The following EYS variants were observed in gnomAD, a reference collection of about 807,000 sequenced individuals.
EYS encodes the protein protein eyes shut homolog.
Under a neutral mutation model 282.1 loss-of-function variants are expected in EYS, and 250 were observed. The ratio of observed to expected loss-of-function variants is 0.89; its 90% CI spans 0.80 to 0.98. The LOEUF (loss-of-function observed/expected upper bound fraction) is 0.98, where lower values mean the gene tolerates loss of function less well. Among genes scored for constraint, EYS ranks in the 50% least tolerant of loss-of-function variants. The probability of loss-of-function intolerance (pLI) is 0.00; values close to 1 mark genes in which losing one functional copy is unlikely to be tolerated. For missense variants in EYS, 4,016 were observed against 3,709.0 expected, an observed-to-expected ratio of 1.08 and a Z score of -2.15; for synonymous variants, 1,355 against 1,282.9, an observed-to-expected ratio of 1.06 and a Z score of -1.20.
intron 12 of EYS, among the ~76,000 whole-genome samples, chr6:65,196,017 G>T (rs1369272332): frequency 1.3e-5 from 2 of 151,962 alleles, no homozygotes; most frequent in Non-Finnish European, 2.9e-5. Context: ...GATAATGAAT[G>T]CCTTGACACA....
intron 12 of EYS, among the ~76,000 whole-genome samples, chr6:65,255,910 T>A (rs1767447842): frequency 6.6e-6 from 1 of 151,956 alleles, no homozygotes; most frequent in African/African-American, 2.4e-5. Context: ...GGAATATGAA[T>A]TAGTACAGCC....
At chr6:65,469,338 A>G (rs1765123489) in intron 5 of EYS, among the ~76,000 whole-genome samples, 1 of 152,108 alleles carries the variant, frequency 6.6e-6, no homozygotes, top group Admixed American at 6.6e-5. Flanking sequence ...GTTTAAAACA[A>G]CATTTTTATT....
intron 15 of EYS, among the ~76,000 whole-genome samples, chr6:64,941,379 CA>C (rs201037781): frequency 1.3e-4 from 20 of 148,598 alleles, no homozygotes; most frequent in Non-Finnish European, 2.1e-4. Flanking sequence ...GAGTCTGCCT[CA>C]AAAAAAAAAT....
rs1562142308 is a variant in EYS at position 64,000,181 on chromosome 6, T to TAAG, written c.6726-999_6726-998insCTT. Among the ~76,000 whole-genome samples, 3 of 68,578 alleles carry TAAG rather than the reference T, an allele frequency of 4.4e-5. 1 individual carries two copies. Among genetic ancestry groups the TAAG allele is most frequent in the Non-Finnish European group, 2.8e-5 (1 of 36,098 alleles). The allele number at this position is 68,578 out of a possible 152,430, so 45.0% of individuals were successfully genotyped here. A position where few individuals can be genotyped will look rare whatever the true frequency, so the allele number is the denominator to read the frequency against. ...CAAGACATGGGACTTTTTTTTTTTT[T>TAAG]TTTTTTTTTTTTTTTTTTTTTTTTT... On this transcript the variant is annotated intron_variant, in intron 33 of 42. Transcript: ENST00000503581.
At chr6:65,695,888 G>T (rs1027925005) in intron 1 of EYS, among the ~76,000 whole-genome samples, 1 of 151,770 alleles carries the variant, frequency 6.6e-6, no homozygotes, top group Non-Finnish European at 1.5e-5. Context: ...AACATACATG[G>T]TTCTGTATTT....
chr6:65,593,030 C>A (rs754928654), intron 2 of EYS, among the ~76,000 whole-genome samples: 17 of 151,960 alleles, frequency 1.1e-4, no homozygotes, highest in Non-Finnish European at 2.5e-4. Flanking sequence ...GTAAATAAAT[C>A]ACTAATAATT....
intron 22 of EYS, among the ~76,000 whole-genome samples, chr6:64,726,274 C>T (rs574199513): frequency 1.3e-5 from 2 of 152,208 alleles, no homozygotes; most frequent in East Asian, 1.9e-4. Flanking sequence ...TGATGAATGT[C>T]TTTTAACAAT....
At chr6:64,613,663 G>T (rs1767178939) in intron 24 of EYS, among the ~76,000 whole-genome samples, 1 of 152,074 alleles carries the variant, frequency 6.6e-6, no homozygotes, top group South Asian at 2.1e-4. Flanking sequence ...AAAACAAACT[G>T]TAATTGATGA....
chr6:65,255,259 A>G (rs1458657238), intron 12 of EYS, among the ~76,000 whole-genome samples: 3 of 152,030 alleles, frequency 2.0e-5, no homozygotes, highest in Non-Finnish European at 2.9e-5. Flanking sequence ...CAAAGATGCC[A>G]AAAATATACA....
chr6:64,796,184 T>C (rs4710283), intron 22 of EYS, among the ~76,000 whole-genome samples: 75,515 of 152,038 alleles, frequency 0.5, 20,185 homozygotes, highest in Admixed American at 0.64. Context: ...TTTATTCATG[T>C]TTGCCCAATC....
At position 65,320,892 on chromosome 6, in the gene EYS, G is replaced by A. The variant is rs1769456601; in HGVS notation, c.1766+14088C>T. Among the ~76,000 whole-genome samples, 4 of 152,208 alleles carry A rather than the reference G, an allele frequency of 2.6e-5. No homozygotes were observed. In the South Asian group the frequency reaches 8.3e-4, roughly 32 times the overall value. On this transcript the variant is annotated intron_variant, in intron 11 of 42. Coordinates refer to ENST00000503581, the MANE Select transcript of EYS (RefSeq NM_001142800.2). ...GGAGGGCCATGTTCACCCTAAGTGA[G>A]GCAACTCCAGCAGGCACCTACAGCT...
intron 29 of EYS, among the ~76,000 whole-genome samples, chr6:64,352,237 A>G (rs1771667861): frequency 6.6e-6 from 1 of 151,566 alleles, no homozygotes. Context: ...TGTGCTGCCT[A>G]ACATTACCCC....
intron 12 of EYS, among the ~76,000 whole-genome samples, chr6:65,183,320 G>T (rs887924007): frequency 4.0e-5 from 6 of 151,736 alleles, no homozygotes; most frequent in African/African-American, 1.5e-4. Context: ...AACATTTTAA[G>T]CTTTGCTGAG....
chr6:63,729,282 C>G (rs1241911318), intron 41 of EYS, among the ~76,000 whole-genome samples: 1 of 152,098 alleles, frequency 6.6e-6, no homozygotes, highest in Non-Finnish European at 1.5e-5. Context: ...TATTCTCACT[C>G]TCTTTCATGT....
intron 31 of EYS, among the ~76,000 whole-genome samples, chr6:64,167,499 A>G (rs1191211300): frequency 6.6e-6 from 1 of 152,180 alleles, no homozygotes; most frequent in Admixed American, 6.6e-5. Context: ...AGACAGGTAT[A>G]TATTCTGTGT....
intron 19 of EYS, 67 bp downstream of exon 19, chr6:64,886,630 A>T (rs1767093350): frequency 3.0e-6 from 4 of 1,328,618 alleles, no homozygotes; most frequent in Non-Finnish European, 4.0e-6. Context: ...TTGGAGTATA[A>T]ATATGAGGTT....
chr6:64,237,441 A>G (rs1766651561), intron 30 of EYS, among the ~76,000 whole-genome samples: 1 of 151,914 alleles, frequency 6.6e-6, no homozygotes, highest in Admixed American at 6.6e-5. Context: ...TAATATACCT[A>G]TGTCTATATC....
rs1765971701 is a variant in EYS at position 65,390,326 on chromosome 6, C to T, written c.1185-5826G>A. Among the ~76,000 whole-genome samples the T allele has an allele frequency of 5.4e-5, 8 of 149,034 alleles. No homozygotes were observed. The South Asian group carries it at 1.7e-3, about 32-fold the overall frequency. ...ACATTTAGTAAAGGATAAGCAGAAA[C>T]TGAGAGAAAAGCTACTAGAAAAGGA... On this transcript the variant is annotated intron_variant, in intron 7 of 42. Coordinates refer to ENST00000503581, the MANE Select transcript of EYS (RefSeq NM_001142800.2).
intron 22 of EYS, among the ~76,000 whole-genome samples, chr6:64,757,536 C>G (rs1269419636): frequency 1.3e-5 from 2 of 151,882 alleles, no homozygotes; most frequent in Admixed American, 1.3e-4. Context: ...AAAAACTATG[C>G]TATCACGTCT....
Sources: allele counts gnomAD v4.1 joint callset (sites outside exome capture counted in the v4.1 genomes callset), GRCh38; gene constraint gnomAD v4.1.1; transcripts MANE v1.5; gene names NCBI Gene and HGNC (gene_info 2026-07-23, HGNC 2026-07-21).